The following RASGRP3 variants were observed in gnomAD, a reference collection of about 807,000 sequenced individuals.
The protein encoded by RASGRP3 is ras guanyl-releasing protein 3.
Under a neutral mutation model 82.7 loss-of-function variants are expected in RASGRP3, and 54 were observed. The observed-to-expected ratio is 0.65, with a 90% CI of 0.52 to 0.82. The LOEUF (loss-of-function observed/expected upper bound fraction) is 0.82, where lower values mean the gene tolerates loss of function less well. Among genes scored for constraint, RASGRP3 ranks in the 40% least tolerant of loss-of-function variants. The pLI, the probability that RASGRP3 is intolerant of heterozygous loss-of-function variation, is 0.00. For missense variants in RASGRP3, 861 were observed against 828.9 expected (o/e 1.04, Z -0.48); for synonymous variants, 309 against 300.5 (o/e 1.03, Z -0.29).
At chr2:33,456,466 TTAAA>T (rs1257987208) in intron 2 of RASGRP3, among the ~76,000 whole-genome samples, 4 of 152,248 alleles carry the variant, frequency 2.6e-5, no homozygotes, top group African/African-American at 9.6e-5. Flanking sequence ...ACTTGCAACT[TTAAA>T]ATACATACTT....
chr2:33,472,080 T>C (rs549171178), upstream of RASGRP3, among the ~76,000 whole-genome samples: 33 of 152,204 alleles, frequency 2.2e-4, no homozygotes, highest in Non-Finnish European at 3.5e-4. Context: ...TGCAAACTTT[T>C]CTTATATTTT....
At chr2:33,531,823 T>G (rs1039081116) in intron 10 of RASGRP3, 3 of 152,240 alleles carry the variant, frequency 2.0e-5, no homozygotes, top group Non-Finnish European at 4.4e-5. Context: ...GTGGCTTATT[T>G]GGATTCTTGG....
intron 1 of RASGRP3, among the ~76,000 whole-genome samples, chr2:33,489,812 C>T (rs1668700042): frequency 1.3e-5 from 2 of 152,336 alleles, no homozygotes; most frequent in South Asian, 2.1e-4. Flanking sequence ...GCTGGGATTA[C>T]AGGTGTGAGC....
At chr2:33,446,323 A>T (rs1314439633) in intron 1 of RASGRP3, among the ~76,000 whole-genome samples, 1 of 151,728 alleles carries the variant, frequency 6.6e-6, no homozygotes, top group Admixed American at 6.6e-5. Flanking sequence ...CGCCGGGCTA[A>T]TTTTTTTGTA....
intron 10 of RASGRP3, among the ~76,000 whole-genome samples, chr2:33,531,159 A>G (rs181173255): frequency 1.4e-3 from 217 of 152,298 alleles, no homozygotes; most frequent in African/African-American, 5.0e-3. Context: ...AGTCAAGCCA[A>G]TGTAGATCCT....
At chr2:33,503,592 C>CTT (rs36120670) in intron 1 of RASGRP3, among the ~76,000 whole-genome samples, 16,618 of 149,776 alleles carry the variant, frequency 0.11, 1,079 homozygotes, top group African/African-American at 0.18. Flanking sequence ...TTTAAACACA[C>CTT]TTTTTTTTTT....
intron 11 of RASGRP3, among the ~76,000 whole-genome samples, chr2:33,538,434 C>T (rs1290601305): frequency 6.6e-6 from 1 of 151,704 alleles, no homozygotes; most frequent in African/African-American, 2.4e-5. Context: ...ACTTGGGAGG[C>T]AGAGGTTTCA....
At chr2:33,447,103 C>G (rs1418447047) in intron 1 of RASGRP3, among the ~76,000 whole-genome samples, 2 of 128,512 alleles carry the variant, frequency 1.6e-5, no homozygotes, top group Non-Finnish European at 3.1e-5. Flanking sequence ...GAGACTCCGT[C>G]TCAAAAAAAA....
At chr2:33,490,313 A>ATATTCACC (rs1281469490) in intron 1 of RASGRP3, among the ~76,000 whole-genome samples, 1 of 152,190 alleles carries the variant, frequency 6.6e-6, no homozygotes, top group Non-Finnish European at 1.5e-5. Context: ...TGTTGAGCTC[A>ATATTCACC]TATTCTACAC....
intron 2 of RASGRP3, among the ~76,000 whole-genome samples, chr2:33,457,086 G>C (rs966842569): frequency 6.6e-6 from 1 of 151,776 alleles, no homozygotes; most frequent in East Asian, 1.9e-4. Flanking sequence ...GACCAGGCTG[G>C]TCTCAAACTC....
chr2:33,538,708 G>C (rs939579576), intron 11 of RASGRP3, among the ~76,000 whole-genome samples: 3 of 152,026 alleles, frequency 2.0e-5, no homozygotes, highest in Non-Finnish European at 4.4e-5. Flanking sequence ...ATTCTTCTCA[G>C]TGTCCCTGGT....
At chr2:33,500,424 G>A (rs572413979) in intron 1 of RASGRP3, among the ~76,000 whole-genome samples, 171 of 152,130 alleles carry the variant, frequency 1.1e-3, no homozygotes, top group African/African-American at 4.0e-3. Flanking sequence ...CAGGGGATAC[G>A]GGATGACAGC....
intron 11 of RASGRP3, among the ~76,000 whole-genome samples, chr2:33,536,790 G>A (rs752635658): frequency 7.2e-4 from 109 of 152,242 alleles, no homozygotes; most frequent in Non-Finnish European, 1.1e-3. Flanking sequence ...TGAGACTTGC[G>A]ACAGAGGTGT....
rs117500262 is a variant in RASGRP3 at position 33,455,132 on chromosome 2, A to T, written c.-261+7189A>T. ...ACCCTCTTCTATAGGAGATGATGTCATGTAGGCAAAGATCCATGAAAGCTT... is the reference window on the plus strand; with the variant it reads ...ACCCTCTTCTATAGGAGATGATGTCTTGTAGGCAAAGATCCATGAAAGCTT... On this transcript the variant is annotated intron_variant, in intron 2 of 18. Coordinates refer to the RASGRP3 transcript ENST00000402538. Among the ~76,000 whole-genome samples the T allele has an allele frequency of 1.4e-4, 21 of 152,360 alleles. No individual in the cohort carries two copies. The East Asian group carries it at 3.9e-3, about 28-fold the overall frequency.
chr2:33,465,498 G>T (rs1268182744), intron 2 of RASGRP3, among the ~76,000 whole-genome samples: 1 of 152,152 alleles, frequency 6.6e-6, no homozygotes, highest in Non-Finnish European at 1.5e-5. Flanking sequence ...ACTCCAGCCT[G>T]GGCAACAGAG....
At chr2:33,475,904 G>C (rs990912820), upstream of RASGRP3, among the ~76,000 whole-genome samples, 2 of 152,190 alleles carry the variant, frequency 1.3e-5, no homozygotes, top group African/African-American at 4.8e-5. Flanking sequence ...ATTCACACTC[G>C]CCGGCTGATA....
chr2:33,529,871 T>G (rs1672944629), intron 10 of RASGRP3, among the ~76,000 whole-genome samples: 4 of 152,144 alleles, frequency 2.6e-5, no homozygotes, highest in African/African-American at 7.2e-5. Flanking sequence ...AGAGTCAACT[T>G]GATTCTGTAG....
chr2:33,549,786 A>T, intron 14 of RASGRP3, 35 bp downstream of exon 14: 1 of 1,590,198 alleles, frequency 6.3e-7, no homozygotes, highest in Non-Finnish European at 8.6e-7. Context: ...TTATGTGTGT[A>T]GTTATTTGTG....
chr2:33,490,878 C>A (rs114338366), intron 1 of RASGRP3, among the ~76,000 whole-genome samples: 1 of 152,180 alleles, frequency 6.6e-6, no homozygotes, highest in Non-Finnish European at 1.5e-5. Flanking sequence ...CAGGCCCTGG[C>A]ATAATGTCTG....
Sources: gnomAD v4.1 joint callset for allele counts (sites outside exome capture counted in the v4.1 genomes callset) on GRCh38, gnomAD v4.1.1 for gene constraint, MANE v1.5 for transcripts, NCBI Gene and HGNC (gene_info 2026-07-23, HGNC 2026-07-21) for gene names.